Variants in KIF5B observed in about 807,000 individuals in gnomAD.
KIF5B encodes the protein kinesin family member 5B, also known as kinesin-1 heavy chain.
In KIF5B, 49 loss-of-function variants were observed where a neutral mutation model predicts 132.8. That is an observed-to-expected ratio of 0.37 (90% CI 0.29 to 0.47). The LOEUF (loss-of-function observed/expected upper bound fraction) is 0.47, where lower values mean the gene tolerates loss of function less well. KIF5B is among the 20% of genes least tolerant of loss of function. The pLI is 1.00. For synonymous variants in KIF5B, 355 were observed against 369.4 expected, an observed-to-expected ratio of 0.96 and a Z score of 0.45; for missense variants, 780 against 1,144.0, an observed-to-expected ratio of 0.68 and a Z score of 4.59.
chr10:32,009,144 C>T lies in KIF5B; in HGVS notation c.*2393G>A, dbSNP rs562874372. 9 of 152,324 alleles carry T rather than the reference C, an allele frequency of 5.9e-5. No homozygotes were observed. The highest frequency in any genetic ancestry group is 5.2e-4 in the Admixed American group (8 of 15,286). The allele number at this position is 152,324 out of a possible 1,614,324, so 9.4% of individuals were successfully genotyped here. On this transcript the variant is annotated 3_prime_UTR_variant, in exon 26 of 26. Coordinates refer to ENST00000302418, the MANE Select transcript of KIF5B (RefSeq NM_004521.3). ...TCTTCAAGCACTGAAAATAAACCAA[C>T]ATATTCCACAGGTAGACTCAGACTC...
intron 19 of KIF5B, among the ~76,000 whole-genome samples, chr10:32,020,182 C>A (rs12252433): frequency 2.4e-3 from 371 of 152,260 alleles, no homozygotes; most frequent in African/African-American, 8.2e-3. Flanking sequence ...TGTCTTTCAT[C>A]TTCCTGAATC....
intron 25 of KIF5B, among the ~76,000 whole-genome samples, chr10:32,014,638 A>G (rs962566603): frequency 2.6e-5 from 4 of 152,194 alleles, no homozygotes; most frequent in African/African-American, 9.7e-5. Context: ...CAAAGAACAG[A>G]TATTACTTAT....
rs1268064327 is a variant in KIF5B, at chr10:32,009,745, C to T, written c.*1792G>A. The T allele has an allele frequency of 1.3e-5, 2 of 152,122 alleles. No homozygotes were observed. Among genetic ancestry groups the T allele is most frequent in the Non-Finnish European group, 2.9e-5 (2 of 68,006 alleles). The allele number at this position is 152,122 out of a possible 1,614,324, so 9.4% of individuals were successfully genotyped here. A position where few individuals can be genotyped will look rare whatever the true frequency, so the allele number is the denominator to read the frequency against. On this transcript the variant is annotated 3_prime_UTR_variant, in exon 26 of 26. Transcript: ENST00000302418. ...CAAAACATAAAGGTCTATGTGGATGCAGCCAAATGTTTCTCCATTTAGAAA... is the reference window on the plus strand; with the variant it reads ...CAAAACATAAAGGTCTATGTGGATGTAGCCAAATGTTTCTCCATTTAGAAA...
chr10:32,039,465 A>C (rs745594727), intron 3 of KIF5B, 34 bp from the exon 4 acceptor site: 1 of 898,902 alleles, frequency 1.1e-6, no homozygotes. Flanking sequence ...TTCTTAAATA[A>C]ATTATAAAAT....
chr10:32,021,955 G>C (rs2132586188), intron 17 of KIF5B, among the ~76,000 whole-genome samples, 185 bp downstream of exon 17: 1 of 152,276 alleles, frequency 6.6e-6, no homozygotes, highest in East Asian at 1.9e-4. Context: ...CTGGGCAACA[G>C]AGTGAAGACG....
At chr10:32,037,682 A>G (rs1841478705) in intron 6 of KIF5B, 75 bp from the exon 7 acceptor site, 9 of 1,139,714 alleles carry the variant, frequency 7.9e-6, no homozygotes, top group Non-Finnish European at 1.2e-5. Flanking sequence ...AAAACACAAA[A>G]ATTAGCCGGG....
intron 14 of KIF5B, 67 bp from the exon 15 acceptor site, chr10:32,028,638 C>T (rs1478990937): frequency 4.1e-5 from 56 of 1,377,440 alleles, no homozygotes; most frequent in Non-Finnish European, 5.5e-5. Flanking sequence ...AAATACTCAT[C>T]GGTGTTTCAA....
chr10:32,036,940 A>G (rs544961357), intron 8 of KIF5B, among the ~76,000 whole-genome samples: 8 of 152,238 alleles, frequency 5.3e-5, no homozygotes, highest in African/African-American at 1.9e-4. Flanking sequence ...TGGATAAAAT[A>G]CGTATCAAAA....
intron 23 of KIF5B, 152 bp from the exon 24 acceptor site, chr10:32,017,511 T>A: frequency 1.5e-6 from 1 of 648,102 alleles, no homozygotes; most frequent in Non-Finnish European, 2.7e-6. Context: ...AAGGAATACA[T>A]CCATCTATAC....
intron 24 of KIF5B, 65 bp from the exon 25 acceptor site, chr10:32,015,724 G>T: frequency 3.0e-6 from 4 of 1,321,608 alleles, no homozygotes; most frequent in East Asian, 2.5e-5. Context: ...TGACTGTTAA[G>T]GTTTCTTCTC....
rs1841441308 is a variant in KIF5B, at chr10:32,034,607, T to C, written c.1111+83A>G. 5.9e-6 allele frequency: 6 copies of C among 1,017,128 alleles called. No individual in the cohort carries two copies. The South Asian group carries it at 1.6e-4, about 27-fold the overall frequency. The allele number at this position is 1,017,128 out of a possible 1,614,324, so 63.0% of individuals were successfully genotyped here. ...TAAATTTCTTGATCTAGTCACTTAC[T>C]GATTTTGCTGAACTATTTCTACGTT... On this transcript the variant is annotated intron_variant, in intron 11 of 25. Transcript: ENST00000302418.
rs756481490 is a variant in KIF5B, at chr10:32,034,676, T to G, written c.1111+14A>C. 1 of 1,539,564 alleles carries G rather than the reference T, an allele frequency of 6.5e-7. No individual in the cohort carries two copies. On this transcript the variant is annotated intron_variant, in intron 11 of 25. Transcript: ENST00000302418. ...ATTTAACAAACTGAAGATGACAAAT[T>G]CTTAAGTTATTACCATTACGCCATC...
intron 1 of KIF5B, among the ~76,000 whole-genome samples, chr10:32,054,876 C>T (rs934945963): frequency 5.9e-5 from 9 of 152,170 alleles, no homozygotes; most frequent in African/African-American, 2.2e-4. Flanking sequence ...GATCACTCAA[C>T]TCTAGTTATG....
At chr10:32,038,119 A>C (rs1841484931) in intron 6 of KIF5B, 44 bp downstream of exon 6, 1 of 1,279,422 alleles carries the variant, frequency 7.8e-7, no homozygotes, top group Non-Finnish European at 1.1e-6. Context: ...TAAAAAAAAA[A>C]AAAAAGTATT....
At chr10:32,055,133 A>C (rs1428584283) in intron 1 of KIF5B, among the ~76,000 whole-genome samples, 4 of 152,066 alleles carry the variant, frequency 2.6e-5, no homozygotes, top group African/African-American at 7.2e-5. Context: ...ATCTGACCCA[A>C]CCAAAGTCGG....
Position 32,018,339 on chromosome 10 carries a change from C to A in KIF5B, c.2416G>T (p.Asp806Tyr). ...ACCTTTTTAACTCTTGTAGCCAGGT[C>A]CTGAACAAAGAGTTTGCGCAGGTTG... ...LHNLRKLFVQDLATRVKKSAE... is the reference protein window; with the variant it reads ...LHNLRKLFVQYLATRVKKSAE... Residue 806 changes from aspartate (D) to tyrosine (Y), a missense_variant, in exon 22 of 26, where the codon GAC (aspartate) becomes TAC (tyrosine). This residue lies in a region of KIF5B where 471 missense variants were observed against 569.9 expected (regional missense o/e 0.83). Coordinates refer to ENST00000302418, the MANE Select transcript of KIF5B (RefSeq NM_004521.3). 2 of 1,515,288 alleles carry A rather than the reference C, an allele frequency of 1.3e-6. No homozygotes were observed. The highest frequency in any genetic ancestry group is 1.8e-6 in the Non-Finnish European group (2 of 1,135,536). The allele number at this position is 1,515,288 out of a possible 1,614,324, so 93.9% of individuals were successfully genotyped here.
intron 16 of KIF5B, among the ~76,000 whole-genome samples, chr10:32,022,612 G>A (rs1841278975): frequency 6.6e-6 from 1 of 152,116 alleles, no homozygotes; most frequent in Non-Finnish European, 1.5e-5. Context: ...CTGGAATTCT[G>A]AAGTCTTTAA....
intron 2 of KIF5B, among the ~76,000 whole-genome samples, chr10:32,046,616 C>T (rs749652859): frequency 4.6e-5 from 7 of 152,108 alleles, no homozygotes; most frequent in Non-Finnish European, 8.8e-5. Flanking sequence ...GATGGGGTCT[C>T]GCTGTTGCCC....
chr10:32,021,031 T>A lies in KIF5B; in HGVS notation c.2195A>T (p.Asp732Val). The A allele has an allele frequency of 6.4e-7, 1 of 1,569,730 alleles. No individual in the cohort carries two copies. The highest frequency in any genetic ancestry group is 8.8e-7 in the Non-Finnish European group (1 of 1,140,022). ...EVEAKAKLIT[D>V]LQDQNQKMML... Reference sequence around the variant, plus strand: ...GAAGTATAATACTTACTCTTGAAGATCAGTAATAAGTTTTGCTTTTGCTTC... The same window carrying A: ...GAAGTATAATACTTACTCTTGAAGAACAGTAATAAGTTTTGCTTTTGCTTC... The change falls in exon 19 of 26, where the codon GAT (aspartate) becomes GTT (valine). Residue 732 changes from aspartate to valine, a missense_variant. By Grantham distance (152) the Asp-to-Val change is radical. Around this residue, in one of 9 missense-constraint regions of KIF5B, gnomAD observed 471 missense variants for 569.9 expected, o/e 0.83. Coordinates refer to ENST00000302418, the MANE Select transcript of KIF5B (RefSeq NM_004521.3).
Sources: allele counts gnomAD v4.1 joint callset (sites outside exome capture counted in the v4.1 genomes callset), GRCh38; gene constraint gnomAD v4.1.1; regional missense constraint gnomAD v4.1.1; transcripts MANE v1.5; gene names NCBI Gene and HGNC (gene_info 2026-07-23, HGNC 2026-07-21).